Variants in RALGPS1 observed in about 807,000 individuals in gnomAD.
The protein encoded by RALGPS1 is Ral GEF with PH domain and SH3 binding motif 1, also known as ras-specific guanine nucleotide-releasing factor RalGPS1.
A neutral mutation model predicts 78.8 loss-of-function variants in RALGPS1; 19 were observed. The observed-to-expected ratio is 0.24, with a 90% CI of 0.17 to 0.35. The LOEUF (loss-of-function observed/expected upper bound fraction) is 0.35. Ranked by LOEUF, RALGPS1 falls within the 10% of genes least tolerant of loss-of-function variation. The probability of loss-of-function intolerance (pLI) is 1.00; values close to 1 mark genes in which losing one functional copy is unlikely to be tolerated. For synonymous variants in RALGPS1, 228 were observed against 256.3 expected (o/e 0.89, Z 1.06); for missense variants, 454 against 688.3 (o/e 0.66, Z 3.81).
chr9:127,038,754 A>T (rs1283945200), intron 5 of RALGPS1, among the ~76,000 whole-genome samples: 1 of 152,178 alleles, frequency 6.6e-6, no homozygotes, highest in Non-Finnish European at 1.5e-5. Flanking sequence ...GGACGGGGAA[A>T]CCAGAGGAAA....
intron 4 of RALGPS1, among the ~76,000 whole-genome samples, chr9:126,986,619 C>T (rs889579694): frequency 3.3e-5 from 5 of 152,330 alleles, no homozygotes; most frequent in African/African-American, 1.2e-4. Flanking sequence ...GTCTCAGAGG[C>T]TGGTCTAAAT....
intron 7 of RALGPS1, among the ~76,000 whole-genome samples, chr9:127,065,058 G>C (rs554048175): frequency 9.9e-5 from 15 of 152,090 alleles, no homozygotes; most frequent in African/African-American, 3.1e-4. Flanking sequence ...TCCCGCCACA[G>C]CCTCCTGAAT....
chr9:127,098,620 C>A (rs146108704), intron 8 of RALGPS1, among the ~76,000 whole-genome samples: 195 of 152,290 alleles, frequency 1.3e-3, no homozygotes, highest in Non-Finnish European at 2.2e-3. Flanking sequence ...CCGGACCCCA[C>A]TGCCATACCC....
intron 14 of RALGPS1, among the ~76,000 whole-genome samples, chr9:127,204,397 G>A (rs2061818767): frequency 6.6e-6 from 1 of 152,168 alleles, no homozygotes; most frequent in East Asian, 1.9e-4. Context: ...TGGGATGACA[G>A]GCAGGAGCCA....
chr9:127,191,587 C>A (rs981367130), intron 11 of RALGPS1, among the ~76,000 whole-genome samples: 4 of 152,112 alleles, frequency 2.6e-5, no homozygotes, highest in African/African-American at 7.2e-5. Context: ...AGGTTTTGTT[C>A]TGCCATCCAG....
intron 1 of RALGPS1, among the ~76,000 whole-genome samples, chr9:126,940,471 G>A (rs959386131): frequency 5.8e-4 from 77 of 131,798 alleles, no homozygotes; most frequent in African/African-American, 1.6e-3. Flanking sequence ...ATGGAGTCTC[G>A]CTCTGTTGCC....
At chr9:126,941,969 C>CA (rs2036834700) in intron 1 of RALGPS1, among the ~76,000 whole-genome samples, 1 of 152,104 alleles carries the variant, frequency 6.6e-6, no homozygotes, top group South Asian at 2.1e-4. Context: ...TAGTGCTTTA[C>CA]AAAAAATAGC....
intron 6 of RALGPS1, among the ~76,000 whole-genome samples, chr9:127,052,291 C>T (rs372146572): frequency 1.3e-5 from 2 of 152,352 alleles, no homozygotes; most frequent in East Asian, 3.8e-4. Context: ...TCGACTGTGT[C>T]TCATTCTGTT....
At chr9:126,920,835 C>T (rs1736813354) in intron 1 of RALGPS1, among the ~76,000 whole-genome samples, 2 of 152,144 alleles carry the variant, frequency 1.3e-5, no homozygotes, top group African/African-American at 4.8e-5. Context: ...AGGCGATTGG[C>T]CATAACAGAG....
chr9:126,977,338 T>TA (rs1228014984), intron 3 of RALGPS1, among the ~76,000 whole-genome samples: 1 of 152,256 alleles, frequency 6.6e-6, no homozygotes, highest in Non-Finnish European at 1.5e-5. Context: ...TCTACAACTT[T>TA]AAAAAATTAC....
intron 5 of RALGPS1, among the ~76,000 whole-genome samples, chr9:127,042,788 A>G (rs145469339): frequency 1.3e-5 from 2 of 152,344 alleles, no homozygotes; most frequent in East Asian, 3.9e-4. Context: ...GAAATCTCCA[A>G]AAATACTCCT....
intron 5 of RALGPS1, among the ~76,000 whole-genome samples, chr9:127,049,422 T>TG (rs2048102390): frequency 6.6e-6 from 1 of 152,202 alleles, no homozygotes; most frequent in East Asian, 1.9e-4. Flanking sequence ...ATACCCTTTT[T>TG]GGTGCATGCT....
At chr9:127,155,663 GA>G (rs2058668734) in intron 8 of RALGPS1, among the ~76,000 whole-genome samples, 1 of 152,192 alleles carries the variant, frequency 6.6e-6, no homozygotes, top group African/African-American at 2.4e-5. Flanking sequence ...GTTTGAGAAA[GA>G]TCACAGGGTA....
chr9:127,107,058 C>T (rs956032066), intron 8 of RALGPS1: 2 of 152,234 alleles, frequency 1.3e-5, no homozygotes, highest in Non-Finnish European at 2.9e-5. Context: ...GACATTCTGA[C>T]AGGGGAGCCT....
chr9:127,049,985 A>G lies in RALGPS1; in HGVS notation c.301-58A>G. 4 of 1,291,860 alleles carry G rather than the reference A, an allele frequency of 3.1e-6. No homozygotes were observed. The South Asian group carries it at 4.8e-5, about 15-fold the overall frequency. The allele number at this position is 1,291,860 out of a possible 1,614,324, so 80.0% of individuals were successfully genotyped here. A position where few individuals can be genotyped will look rare whatever the true frequency, so the allele number is the denominator to read the frequency against. ...TGGGCAAGGGGGACACGGGTGGTCCAGCAATTAACAACTTTTCTGGTGTGT... is the reference window on the plus strand; with the variant it reads ...TGGGCAAGGGGGACACGGGTGGTCCGGCAATTAACAACTTTTCTGGTGTGT... On this transcript the variant is annotated intron_variant, in intron 5 of 18. Coordinates refer to ENST00000259351, the MANE Select transcript of RALGPS1 (RefSeq NM_014636.3).
chr9:127,134,787 T>TA (rs2057280058), intron 8 of RALGPS1, among the ~76,000 whole-genome samples: 1 of 152,218 alleles, frequency 6.6e-6, no homozygotes, highest in Non-Finnish European at 1.5e-5. Flanking sequence ...CCTTTATTTT[T>TA]AAAAACTCAT....
chr9:127,042,198 C>T (rs929890172), intron 5 of RALGPS1, among the ~76,000 whole-genome samples: 8 of 151,528 alleles, frequency 5.3e-5, no homozygotes, highest in African/African-American at 1.2e-4. Flanking sequence ...TTTATAATTC[C>T]GCCGTGGCAT....
intron 11 of RALGPS1, chr9:127,184,277 G>T (rs1428865263): frequency 4.5e-6 from 2 of 444,506 alleles, no homozygotes; most frequent in African/African-American, 4.0e-5. Context: ...CCGTGATCGC[G>T]CCACCGCGCT....
chr9:126,937,615 G>A (rs2131336047), intron 1 of RALGPS1, among the ~76,000 whole-genome samples: 1 of 152,292 alleles, frequency 6.6e-6, no homozygotes, highest in East Asian at 1.9e-4. Context: ...TCCATCCATA[G>A]CAGATTGCCT....
Sources: allele counts gnomAD v4.1 joint callset (sites outside exome capture counted in the v4.1 genomes callset), GRCh38; gene constraint gnomAD v4.1.1; transcripts MANE v1.5; gene names NCBI Gene and HGNC (gene_info 2026-07-23, HGNC 2026-07-21).